MRTFA: variants seen among roughly 807,000 people sequenced by gnomAD.
The protein encoded by MRTFA is myocardin related transcription factor A, also known as myocardin-related transcription factor A.
Under a neutral mutation model 83.5 loss-of-function variants are expected in MRTFA, and 20 were observed. The observed-to-expected ratio is 0.24, with a 90% CI of 0.17 to 0.35. The LOEUF is 0.35. Among genes scored for constraint, MRTFA ranks in the 10% least tolerant of loss-of-function variants. The pLI, the probability that MRTFA is intolerant of heterozygous loss-of-function variation, is 1.00. For synonymous variants in MRTFA, 659 were observed against 541.2 expected, an observed-to-expected ratio of 1.22 and a Z score of -3.02; for missense variants, 1,200 against 1,224.7, an observed-to-expected ratio of 0.98 and a Z score of 0.30.
chr22:40,632,373 T>A (rs6001986), intron 1 of MRTFA, among the ~76,000 whole-genome samples: 2,016 of 151,972 alleles, frequency 0.013, 43 homozygotes, highest in African/African-American at 0.047. Context: ...AACCTCCACC[T>A]CCCTGGTTCA....
chr22:40,513,499 GC>G lies in MRTFA; in HGVS notation c.241+38606del, dbSNP rs1254952258. ...GCCTGTAATCCCAGCTATTTGGGAG[GC>G]TAAGGCAGGAGAATCACTTAAACCC... On this transcript the variant is annotated intron_variant, in intron 3 of 14. Coordinates refer to ENST00000355630, the MANE Select transcript of MRTFA (RefSeq NM_020831.6). Among the ~76,000 whole-genome samples the G allele has an allele frequency of 2.8e-4, 42 of 151,340 alleles. 1 individual carries two copies.
At chr22:40,552,875 G>A (rs1004738158) in intron 2 of MRTFA, among the ~76,000 whole-genome samples, 1 of 152,216 alleles carries the variant, frequency 6.6e-6, no homozygotes, top group African/African-American at 2.4e-5. Flanking sequence ...ACAGTTTAGA[G>A]GGCTAAGAAG....
At chr22:40,536,403 G>A (rs904165087) in intron 3 of MRTFA, among the ~76,000 whole-genome samples, 23 of 150,590 alleles carry the variant, frequency 1.5e-4, no homozygotes, top group Non-Finnish European at 2.7e-4. Context: ...CGGCGCCGGC[G>A]AGCGCCGCCC....
intron 13 of MRTFA, 43 bp downstream of exon 13, chr22:40,417,298 G>C (rs372711255): frequency 1.3e-6 from 2 of 1,593,130 alleles, no homozygotes; most frequent in Non-Finnish European, 1.7e-6. Flanking sequence ...CAGCAGCCTA[G>C]GGCAGCTGCC....
intron 3 of MRTFA, among the ~76,000 whole-genome samples, chr22:40,538,850 G>A (rs1205603538): frequency 1.3e-5 from 2 of 152,088 alleles, no homozygotes; most frequent in African/African-American, 2.4e-5. Context: ...AAGGAAATGA[G>A]AGATAATGAT....
chr22:40,586,909 C>CTGGTGCTGG, intron 2 of MRTFA: 1 of 419,312 alleles, frequency 2.4e-6, no homozygotes, highest in South Asian at 1.7e-5. Context: ...GCTGGTGCTG[C>CTGGTGCTGG]TGGTGCTGGT....
rs115430139 is a variant in MRTFA, at chr22:40,533,974, T to C, written c.241+18132A>G. On this transcript the variant is annotated intron_variant, in intron 3 of 14. Transcript: ENST00000355630. ...AGAGACTTTCAGAAAACAGATCAAC[T>C]GCTTTTTTCCTCTCAAGAAGAGAAG... Among the ~76,000 whole-genome samples, 667 of 152,286 alleles carry C rather than the reference T, an allele frequency of 4.4e-3. 7 individuals are homozygous for C. The highest frequency in any genetic ancestry group is 0.015 in the African/African-American group (642 of 41,554).
chr22:40,463,160 C>T (rs374087699), intron 4 of MRTFA, 61 bp downstream of exon 4: 36 of 1,386,756 alleles, frequency 2.6e-5, no homozygotes, highest in South Asian at 2.6e-4. Context: ...ATGGCATACT[C>T]GGTGAACACA....
At chr22:40,630,845 G>C (rs947788830) in intron 1 of MRTFA, among the ~76,000 whole-genome samples, 1 of 152,136 alleles carries the variant, frequency 6.6e-6, no homozygotes, top group African/African-American at 2.4e-5. Flanking sequence ...TGGGATTATA[G>C]GCATGAGCCA....
chr22:40,516,860 T>G (rs1026439854), intron 3 of MRTFA, among the ~76,000 whole-genome samples: 3 of 152,198 alleles, frequency 2.0e-5, no homozygotes, highest in African/African-American at 7.2e-5. Flanking sequence ...GTCAAATTTA[T>G]TTTTTAAAAA....
At chr22:40,435,420 A>G in intron 5 of MRTFA, 79 bp downstream of exon 5, 4 of 1,463,424 alleles carry the variant, frequency 2.7e-6, no homozygotes, top group South Asian at 2.3e-5. Flanking sequence ...GGAAAGCTCT[A>G]AATGGAAATA....
chr22:40,451,644 A>G (rs577091554), intron 4 of MRTFA, among the ~76,000 whole-genome samples: 2 of 152,344 alleles, frequency 1.3e-5, no homozygotes, highest in South Asian at 4.1e-4. Context: ...AATCTCATTT[A>G]GCACGAGTAT....
chr22:40,585,279 T>C (rs887917477), intron 2 of MRTFA, among the ~76,000 whole-genome samples: 1 of 152,198 alleles, frequency 6.6e-6, no homozygotes, highest in Non-Finnish European at 1.5e-5. Flanking sequence ...TATATAAACT[T>C]TTTTAAAAAT....
chr22:40,495,080 G>A (rs1004051043), intron 3 of MRTFA, among the ~76,000 whole-genome samples: 1 of 151,704 alleles, frequency 6.6e-6, no homozygotes, highest in Admixed American at 6.6e-5. Context: ...GCATAGTTAA[G>A]AGTACAGGCT....
intron 1 of MRTFA, among the ~76,000 whole-genome samples, chr22:40,612,409 G>T (rs570804020): frequency 6.6e-6 from 1 of 152,298 alleles, no homozygotes; most frequent in African/African-American, 2.4e-5. Context: ...TACAAGTCAG[G>T]CACTCTTACA....
intron 3 of MRTFA, among the ~76,000 whole-genome samples, chr22:40,519,188 C>G (rs1238555755): frequency 1.3e-5 from 2 of 151,996 alleles, no homozygotes; most frequent in Non-Finnish European, 2.9e-5. Context: ...AAAGATGTGT[C>G]CACCTGTGAG....
intron 13 of MRTFA, 138 bp from the exon 14 acceptor site, chr22:40,417,184 T>A: frequency 7.4e-7 from 1 of 1,360,512 alleles, no homozygotes; most frequent in Non-Finnish European, 1.0e-6. Flanking sequence ...CCCGGACTCC[T>A]GGAGCCCGTC....
intron 3 of MRTFA, among the ~76,000 whole-genome samples, chr22:40,479,629 G>C (rs975602613): frequency 1.3e-5 from 2 of 152,176 alleles, no homozygotes; most frequent in Non-Finnish European, 2.9e-5. Context: ...ATCTCTTGGA[G>C]AGAAAGAAAT....
chr22:40,448,484 C>A (rs1211640604), intron 4 of MRTFA, among the ~76,000 whole-genome samples: 1 of 152,128 alleles, frequency 6.6e-6, no homozygotes, highest in Admixed American at 6.6e-5. Context: ...AAATAAAAAA[C>A]CCCAAGATGA....
Sources: gnomAD v4.1 joint callset for allele counts (sites outside exome capture counted in the v4.1 genomes callset) on GRCh38, gnomAD v4.1.1 for gene constraint, MANE v1.5 for transcripts, NCBI Gene and HGNC (gene_info 2026-07-23, HGNC 2026-07-21) for gene names.